The following FBXL7 variants were observed in gnomAD, a reference collection of about 807,000 sequenced individuals.
FBXL7 encodes F-box/LRR-repeat protein 7.
A neutral mutation model predicts 38.3 loss-of-function variants in FBXL7; 12 were observed. The observed-to-expected ratio is 0.31, with a 90% CI of 0.20 to 0.51. The LOEUF is 0.51. Among genes scored for constraint, FBXL7 ranks in the 20% least tolerant of loss-of-function variants. The pLI is 0.98. For missense variants in FBXL7, 567 were observed against 676.4 expected, an observed-to-expected ratio of 0.84 and a Z score of 1.79; for synonymous variants, 297 against 300.9, an observed-to-expected ratio of 0.99 and a Z score of 0.13.
At chr5:15,504,297 C>T (rs1238202527) in intron 1 of FBXL7, among the ~76,000 whole-genome samples, 1 of 152,218 alleles carries the variant, frequency 6.6e-6, no homozygotes, top group Non-Finnish European at 1.5e-5. Flanking sequence ...GGGACCACTT[C>T]ATAGAGATTA....
At chr5:15,730,448 TA>T (rs1249782801) in intron 2 of FBXL7, among the ~76,000 whole-genome samples, 6 of 152,108 alleles carry the variant, frequency 3.9e-5, no homozygotes, top group Admixed American at 2.6e-4. Context: ...TCTGTTATAT[TA>T]AAAAAATTCC....
At chr5:15,755,331 A>C (rs904691496) in intron 2 of FBXL7, among the ~76,000 whole-genome samples, 1 of 152,198 alleles carries the variant, frequency 6.6e-6, no homozygotes, top group Admixed American at 6.5e-5. Context: ...AGAGGGTAGA[A>C]GAATTGAAAA....
chr5:15,590,531 G>C (rs1260675447), intron 1 of FBXL7, among the ~76,000 whole-genome samples: 1 of 151,878 alleles, frequency 6.6e-6, no homozygotes, highest in Non-Finnish European at 1.5e-5. Flanking sequence ...TCTTTTATCT[G>C]TCTTCTCTAG....
At chr5:15,680,321 T>C (rs1742802033) in intron 2 of FBXL7, among the ~76,000 whole-genome samples, 1 of 152,176 alleles carries the variant, frequency 6.6e-6, no homozygotes, top group South Asian at 2.1e-4. Context: ...AAAGTTATAA[T>C]CAAAAACAGA....
At chr5:15,597,487 T>C (rs1423772950) in intron 1 of FBXL7, among the ~76,000 whole-genome samples, 1 of 133,580 alleles carries the variant, frequency 7.5e-6, no homozygotes, top group Non-Finnish European at 1.6e-5. Context: ...CTAGATAATA[T>C]CATTTTGTAA....
intron 2 of FBXL7, among the ~76,000 whole-genome samples, chr5:15,755,278 G>A (rs1736266524): frequency 1.3e-5 from 2 of 152,116 alleles, no homozygotes; most frequent in Non-Finnish European, 2.9e-5. Flanking sequence ...ATGTAATTAG[G>A]GAGAATCAAT....
At position 15,500,647 on chromosome 5, in the gene FBXL7, C is replaced by A; in HGVS notation, c.-30C>A. 1 of 1,613,428 alleles carries A rather than the reference C, an allele frequency of 6.2e-7. No individual in the cohort carries two copies. Among genetic ancestry groups the A allele is most frequent in the South Asian group, 1.1e-5 (1 of 91,062 alleles). On this transcript the variant is annotated 5_prime_UTR_variant, in exon 1 of 4. Transcript: ENST00000504595. ...ACGTGCGCCGCAGCTATGGAGTGTC[C>A]CGGGAGACGGCGGGCATGACGGCTA...
At chr5:15,822,707 A>C (rs182509310) in intron 2 of FBXL7, among the ~76,000 whole-genome samples, 108 of 148,804 alleles carry the variant, frequency 7.3e-4, no homozygotes, top group African/African-American at 2.5e-3. Flanking sequence ...AGCAGGTACC[A>C]TGCACTGTTC....
intron 2 of FBXL7, among the ~76,000 whole-genome samples, chr5:15,886,893 A>G (rs989999759): frequency 4.6e-5 from 7 of 152,268 alleles, no homozygotes; most frequent in African/African-American, 1.7e-4. Flanking sequence ...TCTCCCCAAA[A>G]TGATTTAAAG....
intron 2 of FBXL7, among the ~76,000 whole-genome samples, chr5:15,751,062 T>C (rs539410716): frequency 6.6e-6 from 1 of 152,150 alleles, no homozygotes; most frequent in Admixed American, 6.5e-5. Context: ...AAAGACATAA[T>C]GCATCAAACA....
intron 1 of FBXL7, among the ~76,000 whole-genome samples, chr5:15,574,966 CA>C (rs1738907604): frequency 6.6e-6 from 1 of 151,128 alleles, no homozygotes; most frequent in Non-Finnish European, 1.5e-5. Flanking sequence ...AGTTCTCAAC[CA>C]GTGCAGTTTT....
rs1737452970 is a variant in FBXL7, at chr5:15,532,247, T to C, written c.37+31534T>C. Among the ~76,000 whole-genome samples, 4 of 152,240 alleles carry C rather than the reference T, an allele frequency of 2.6e-5. No individual in the cohort carries two copies. The South Asian group carries it at 6.2e-4, about 24-fold the overall frequency. On this transcript the variant is annotated intron_variant, in intron 1 of 3. Transcript: ENST00000504595. Reference sequence around the variant, plus strand: ...ATGGAGAGCCTTGATTCCCTGAATATTCTTAGCCTGTAATGGCGTTCCCAT... The same window carrying C: ...ATGGAGAGCCTTGATTCCCTGAATACTCTTAGCCTGTAATGGCGTTCCCAT...
intron 1 of FBXL7, among the ~76,000 whole-genome samples, chr5:15,611,632 T>G (rs1740238888): frequency 6.6e-6 from 1 of 152,138 alleles, no homozygotes; most frequent in African/African-American, 2.4e-5. Flanking sequence ...GGTCAGTGAT[T>G]TGCTAATTTA....
At chr5:15,774,232 G>A (rs1056402351) in intron 2 of FBXL7, among the ~76,000 whole-genome samples, 2 of 151,866 alleles carry the variant, frequency 1.3e-5, no homozygotes, top group Admixed American at 1.3e-4. Flanking sequence ...TTCTACTACT[G>A]ACTGACCCTC....
chr5:15,507,170 A>C (rs934096977), intron 1 of FBXL7, among the ~76,000 whole-genome samples: 28 of 151,994 alleles, frequency 1.8e-4, no homozygotes, highest in African/African-American at 6.3e-4. Context: ...AAGATATCTC[A>C]AAAAATCACC....
chr5:15,519,212 C>T (rs1737028971), intron 1 of FBXL7, among the ~76,000 whole-genome samples: 1 of 152,012 alleles, frequency 6.6e-6, no homozygotes, highest in Admixed American at 6.6e-5. Context: ...GGTGTGGTGG[C>T]GTGTGCCTGT....
At chr5:15,539,606 TACA>T (rs1338786662) in intron 1 of FBXL7, among the ~76,000 whole-genome samples, 2 of 152,278 alleles carry the variant, frequency 1.3e-5, no homozygotes, top group Admixed American at 1.3e-4. Context: ...CTAGATATTC[TACA>T]ACATTATTTT....
intron 1 of FBXL7, among the ~76,000 whole-genome samples, chr5:15,597,397 A>G (rs1186670181): frequency 3.3e-5 from 5 of 151,062 alleles, no homozygotes; most frequent in Non-Finnish European, 1.5e-5. Flanking sequence ...ATTGCATCTC[A>G]TTTTTATAAA....
chr5:15,852,303 T>G (rs1286735313), intron 2 of FBXL7, among the ~76,000 whole-genome samples: 1 of 152,316 alleles, frequency 6.6e-6, no homozygotes, highest in East Asian at 1.9e-4. Context: ...TGTTTTGTTT[T>G]TAACCACGCA....
Sources: allele counts gnomAD v4.1 joint callset (sites outside exome capture counted in the v4.1 genomes callset), GRCh38; gene constraint gnomAD v4.1.1; transcripts MANE v1.5; gene names NCBI Gene and HGNC (gene_info 2026-07-23, HGNC 2026-07-21).